RNF43: variants seen among roughly 807,000 people sequenced by gnomAD.
RNF43 encodes the protein E3 ubiquitin-protein ligase RNF43.
A neutral mutation model predicts 78.4 loss-of-function variants in RNF43; 37 were observed. That is an observed-to-expected ratio of 0.47 (90% CI 0.36 to 0.62). RNF43 has a LOEUF of 0.62. Ranked by LOEUF, RNF43 falls within the 20% of genes least tolerant of loss-of-function variation. RNF43 has a pLI of 0.00. For synonymous variants in RNF43, 347 were observed against 395.0 expected (o/e 0.88, Z 1.44); for missense variants, 774 against 1,007.9 (o/e 0.77, Z 3.14).
rs76384648 is a variant in RNF43 at position 58,363,281 on chromosome 17, C to T, written c.576G>A (p.Pro192=). 0.013 allele frequency: 21,249 copies of T among 1,613,624 alleles called. 184 individuals are homozygous for T. The highest frequency in any genetic ancestry group is 0.016 in the Non-Finnish European group (18,808 of 1,179,966). The part of the protein sequence containing the change: ...AHVRIELKEP[P]AWPDYDVWIL... ...GGAGGTCTAGTGTGCTTACCCAGGCCGGGGGCTCCTTCAGCTCAATCCTCA... is the reference window on the plus strand; with the variant it reads ...GGAGGTCTAGTGTGCTTACCCAGGCTGGGGGCTCCTTCAGCTCAATCCTCA... The change falls in exon 5 of 10, where the codon CCG becomes CCA. Residue 192 remains proline, a synonymous_variant. Transcript: ENST00000407977.
intron 2 of RNF43, among the ~76,000 whole-genome samples, chr17:58,395,507 G>A (rs1405475002): frequency 6.6e-6 from 1 of 152,086 alleles, no homozygotes; most frequent in Non-Finnish European, 1.5e-5. Flanking sequence ...ACAGTTCCCT[G>A]TGACTAATAA....
At chr17:58,394,043 G>A (rs111347772) in intron 2 of RNF43, among the ~76,000 whole-genome samples, 6 of 152,278 alleles carry the variant, frequency 3.9e-5, no homozygotes, top group African/African-American at 1.4e-4. Flanking sequence ...GCAACAGAGC[G>A]AAACTCCGTC....
intron 2 of RNF43, among the ~76,000 whole-genome samples, chr17:58,405,683 G>A (rs563287134): frequency 6.9e-6 from 1 of 143,942 alleles, no homozygotes; most frequent in Non-Finnish European, 1.5e-5. Context: ...CAGAGAGAGA[G>A]ACCCTGTCTC....
rs751894367 is a variant in RNF43, at chr17:58,358,313, T to A, written c.1463A>T (p.Gln488Leu). Residue 488 changes from glutamine to leucine, a missense_variant, in exon 9 of 10, where the codon CAG becomes CTG. Coordinates refer to ENST00000407977, the MANE Select transcript of RNF43 (RefSeq NM_017763.6). This position sits in a 1 kb window ranked among gnomAD's most constrained non-coding sequence, Gnocchi z 6.2. ...SVVNCTDISL[Q>L]GVHGSSSTFC... ...AGTAGAACTGCTGCCATGGACCCCC[T>A]GTAGGCTGATGTCCGTGCAGTTGAC... The A allele has an allele frequency of 6.2e-7, 1 of 1,614,122 alleles. No homozygotes were observed. Among genetic ancestry groups the A allele is most frequent in the Non-Finnish European group, 8.5e-7 (1 of 1,180,012 alleles).
intron 2 of RNF43, among the ~76,000 whole-genome samples, chr17:58,392,587 G>T (rs1276813527): frequency 6.6e-6 from 1 of 152,136 alleles, no homozygotes; most frequent in African/African-American, 2.4e-5. Flanking sequence ...TCTCTCAAAG[G>T]GGAATATCTG....
chr17:58,372,183 A>T (rs1011644036), intron 2 of RNF43, among the ~76,000 whole-genome samples: 89 of 152,352 alleles, frequency 5.8e-4, no homozygotes, highest in African/African-American at 2.1e-3. Flanking sequence ...TATGAAGATA[A>T]TGTCAATGAT....
intron 2 of RNF43, among the ~76,000 whole-genome samples, chr17:58,398,809 C>T (rs530225990): frequency 3.3e-4 from 51 of 152,278 alleles, no homozygotes; most frequent in African/African-American, 1.2e-3. Flanking sequence ...CTGGGCTTTC[C>T]TTTTTAATGA....
chr17:58,410,478 A>C (rs889367241), intron 2 of RNF43, among the ~76,000 whole-genome samples: 1 of 152,254 alleles, frequency 6.6e-6, no homozygotes, highest in Non-Finnish European at 1.5e-5. Context: ...CTTCATTTAC[A>C]TAAGTAACAG....
At chr17:58,364,092 A>G (rs1972900267) in intron 3 of RNF43, among the ~76,000 whole-genome samples, 1 of 152,186 alleles carries the variant, frequency 6.6e-6, no homozygotes, top group Non-Finnish European at 1.5e-5. Context: ...CCTGCAGGGC[A>G]TCTCCCCAGC....
chr17:58,408,591 C>T (rs891047370), intron 2 of RNF43, among the ~76,000 whole-genome samples: 3 of 152,084 alleles, frequency 2.0e-5, no homozygotes, highest in African/African-American at 7.2e-5. Context: ...TAAAGGAGCA[C>T]CTTAAACATA....
At position 58,370,206 on chromosome 17, in the gene RNF43, T is replaced by C. The variant is rs934803190; in HGVS notation, c.375+705A>G. On this transcript the variant is annotated intron_variant, in intron 3 of 9. Coordinates refer to ENST00000407977, the MANE Select transcript of RNF43 (RefSeq NM_017763.6). ...GCCTCAGCCTCCTGAGTAGCTGGGATTACAGGCATGTGCCACCACGCCTGG... is the reference window on the plus strand; with the variant it reads ...GCCTCAGCCTCCTGAGTAGCTGGGACTACAGGCATGTGCCACCACGCCTGG... Among the ~76,000 whole-genome samples the C allele has an allele frequency of 1.8e-4, 28 of 151,782 alleles. 1 individual carries two copies. The highest frequency in any genetic ancestry group is 7.3e-5 in the African/African-American group (3 of 41,316).
Position 58,357,110 on chromosome 17 carries a change from T to C in RNF43, c.2308+358A>G. 1.5e-6 allele frequency: 1 copy of C among 665,542 alleles called. No homozygotes were observed. The highest frequency in any genetic ancestry group is 1.6e-5 in the South Asian group (1 of 61,562). The allele number at this position is 665,542 out of a possible 1,614,324, so 41.2% of individuals were successfully genotyped here. On this transcript the variant is annotated intron_variant, in intron 9 of 9. Transcript: ENST00000407977. The surrounding 1 kb of genome is among the most constrained non-coding windows in gnomAD (Gnocchi z 4.5). ...GGTTTCACCATGTTGGCCAGGTTGGTCTTGAACTCCTGGCCTCAAGGGATC... is the reference window on the plus strand; with the variant it reads ...GGTTTCACCATGTTGGCCAGGTTGGCCTTGAACTCCTGGCCTCAAGGGATC...
At chr17:58,379,554 T>A (rs1159328400) in intron 2 of RNF43, among the ~76,000 whole-genome samples, 1 of 152,190 alleles carries the variant, frequency 6.6e-6, no homozygotes. Context: ...ATTCTTCAAT[T>A]TCCAAATTCA....
At position 58,415,455 on chromosome 17, in the gene RNF43, T is replaced by A. The variant is rs985543829; in HGVS notation, c.123A>T (p.Ser41=). The A allele has an allele frequency of 1.2e-6, 2 of 1,614,096 alleles. No individual in the cohort carries two copies. Among genetic ancestry groups the A allele is most frequent in the Non-Finnish European group, 1.7e-6 (2 of 1,180,046 alleles). The change falls in exon 2 of 10, where the codon TCA becomes TCT. Residue 41 remains serine (S), a synonymous_variant. Coordinates refer to ENST00000407977, the MANE Select transcript of RNF43 (RefSeq NM_017763.6). ...VLAAAVESER[S]AEQKAIIRVI... is the part of the protein sequence containing the mutation. Reference sequence around the variant, plus strand: ...CTCTGATAATAGCTTTCTGTTCTGCTGATCTTTCAGACTCCACCGCTGCTG... The same window carrying A: ...CTCTGATAATAGCTTTCTGTTCTGCAGATCTTTCAGACTCCACCGCTGCTG...
chr17:58,408,233 C>T (rs1327846133), intron 2 of RNF43, among the ~76,000 whole-genome samples: 2 of 152,200 alleles, frequency 1.3e-5, no homozygotes, highest in African/African-American at 4.8e-5. Flanking sequence ...GTCCTTAGAT[C>T]TCTAGATATG....
chr17:58,398,138 T>C (rs1973723675), intron 2 of RNF43, among the ~76,000 whole-genome samples: 1 of 152,242 alleles, frequency 6.6e-6, no homozygotes, highest in Non-Finnish European at 1.5e-5. Flanking sequence ...TTCTTCCTTT[T>C]AGGTTGACAG....
In RNF43 at chr17:58,360,638, TG is replaced by T; in HGVS notation, c.849+144del. On this transcript the variant is annotated intron_variant, in intron 7 of 9. Coordinates refer to ENST00000407977, the MANE Select transcript of RNF43 (RefSeq NM_017763.6). The surrounding 1 kb of genome is among the most constrained non-coding windows in gnomAD (Gnocchi z 4.3). The stretch of plus-strand genomic sequence containing the variant: ...TCAGAAAAGTGACCAAACTTCAGGC[TG>T]GTCCCTGATCTCTGCCTCATGCAGG... 1.2e-6 allele frequency: 1 copy of T among 861,392 alleles called. No homozygotes were observed. The highest frequency in any genetic ancestry group is 1.7e-6 in the Non-Finnish European group (1 of 577,204). 53.4% of individuals were successfully genotyped at this position (861,392 alleles called of 1,614,324 possible). A position where few individuals can be genotyped will look rare whatever the true frequency, so the allele number is the denominator to read the frequency against.
intron 2 of RNF43, among the ~76,000 whole-genome samples, chr17:58,373,221 G>A (rs1241233185): frequency 6.6e-6 from 1 of 152,174 alleles, no homozygotes; most frequent in African/African-American, 2.4e-5. Context: ...GGGTCGCCTG[G>A]GAGAGGAAAG....
At chr17:58,378,643 C>T (rs1973254297) in intron 2 of RNF43, among the ~76,000 whole-genome samples, 2 of 152,158 alleles carry the variant, frequency 1.3e-5, no homozygotes, top group Non-Finnish European at 2.9e-5. Flanking sequence ...GAGGGAGAAG[C>T]ATAACCTCGG....
Sources: gnomAD v4.1 joint callset for allele counts (sites outside exome capture counted in the v4.1 genomes callset) on GRCh38, gnomAD v4.1.1 for gene constraint, Gnocchi (gnomAD v3.1) non-coding constraint, MANE v1.5 for transcripts, NCBI Gene and HGNC (gene_info 2026-07-23, HGNC 2026-07-21) for gene names.